The following DOCK4 variants were observed in gnomAD, a reference collection of about 807,000 sequenced individuals.
The protein encoded by DOCK4 is dedicator of cytokinesis protein 4.
A neutral mutation model predicts 268.1 loss-of-function variants in DOCK4; 97 were observed. The observed-to-expected ratio is 0.36, with a 90% CI of 0.31 to 0.43. The LOEUF (loss-of-function observed/expected upper bound fraction) is 0.43, where lower values mean the gene tolerates loss of function less well. Ranked by LOEUF, DOCK4 falls within the 20% of genes least tolerant of loss-of-function variation. The pLI is 1.00. For missense variants in DOCK4, 2,145 were observed against 2,455.7 expected, an observed-to-expected ratio of 0.87 and a Z score of 2.67; for synonymous variants, 954 against 887.2, an observed-to-expected ratio of 1.08 and a Z score of -1.34.
intron 16 of DOCK4, among the ~76,000 whole-genome samples, chr7:111,893,377 A>C (rs1808453216): frequency 6.6e-6 from 1 of 152,218 alleles, no homozygotes; most frequent in South Asian, 2.1e-4. Context: ...ACACACCCTC[A>C]GACCCATAGG....
intron 20 of DOCK4, among the ~76,000 whole-genome samples, chr7:111,870,213 T>G (rs544714603): frequency 3.9e-4 from 60 of 152,106 alleles, no homozygotes; most frequent in Non-Finnish European, 7.5e-4. Flanking sequence ...AAGGTAATTT[T>G]TTTTCCTGTT....
At chr7:112,177,907 T>A (rs920075290) in intron 1 of DOCK4, among the ~76,000 whole-genome samples, 1 of 152,216 alleles carries the variant, frequency 6.6e-6, no homozygotes, top group African/African-American at 2.4e-5. Context: ...GGAAATCCCA[T>A]GGGCATGACT....
At chr7:111,911,504 T>C (rs1792098019) in intron 13 of DOCK4, among the ~76,000 whole-genome samples, 1 of 152,118 alleles carries the variant, frequency 6.6e-6, no homozygotes, top group Non-Finnish European at 1.5e-5. Context: ...GGAAGTGCTT[T>C]TAAAAAAACC....
At chr7:111,837,112 G>C (rs895767636) in intron 25 of DOCK4, among the ~76,000 whole-genome samples, 2 of 151,528 alleles carry the variant, frequency 1.3e-5, no homozygotes, top group Non-Finnish European at 2.9e-5. Context: ...CAGTGGTAGA[G>C]AAAATCTTAA....
intron 16 of DOCK4, among the ~76,000 whole-genome samples, chr7:111,882,435 T>C (rs1807467190): frequency 6.6e-6 from 1 of 152,202 alleles, no homozygotes; most frequent in Non-Finnish European, 1.5e-5. Flanking sequence ...GAGGAAAAAA[T>C]TGTAACAGAT....
At position 112,092,059 on chromosome 7, in the gene DOCK4, G is replaced by A. The variant is rs532652840; in HGVS notation, c.38-87928C>T. On this transcript the variant is annotated intron_variant, in intron 1 of 52. Coordinates refer to ENST00000428084, the MANE Select transcript of DOCK4 (RefSeq NM_001363540.2). ...ACCACAGAGGCTTTTGTGTGTCAGC[G>A]TTAACAAACCCAGGACCACTTTCTC... 2.2e-4 allele frequency among the ~76,000 whole-genome samples: 34 copies of A among 152,256 alleles called. No individual in the cohort carries two copies. The South Asian group carries it at 2.7e-3, about 12-fold the overall frequency.
chr7:111,861,942 A>G (rs923996821), intron 23 of DOCK4, among the ~76,000 whole-genome samples: 2 of 152,082 alleles, frequency 1.3e-5, no homozygotes, highest in Non-Finnish European at 2.9e-5. Flanking sequence ...GGAAATTTCT[A>G]TGAAGGAAAT....
At chr7:112,042,172 G>GATGGAACGAAAATA (rs1275565517) in intron 1 of DOCK4, among the ~76,000 whole-genome samples, 7 of 152,082 alleles carry the variant, frequency 4.6e-5, no homozygotes, top group Non-Finnish European at 7.4e-5. Flanking sequence ...CCAGTCCTTT[G>GATGGAACGAAAATA]ATGGAACGAA....
At chr7:112,085,895 G>T (rs1809039830) in intron 1 of DOCK4, among the ~76,000 whole-genome samples, 2 of 152,050 alleles carry the variant, frequency 1.3e-5, no homozygotes, top group South Asian at 4.1e-4. Flanking sequence ...GCCAAAAAAA[G>T]CAAATAAACA....
chr7:112,132,848 C>T (rs1325975107), intron 1 of DOCK4, among the ~76,000 whole-genome samples: 4 of 152,144 alleles, frequency 2.6e-5, no homozygotes, highest in Non-Finnish European at 5.9e-5. Context: ...TTGACAGACC[C>T]ACTTTCGCTG....
chr7:111,801,255 G>A (rs56145236), intron 30 of DOCK4, among the ~76,000 whole-genome samples: 12,808 of 152,130 alleles, frequency 0.084, 1,810 homozygotes, highest in African/African-American at 0.29. Flanking sequence ...AATCCTCTGG[G>A]CCCATGCAAA....
At chr7:112,030,470 GTGGCTGTAGTGA>G (rs1305337676) in intron 1 of DOCK4, among the ~76,000 whole-genome samples, 13 of 152,148 alleles carry the variant, frequency 8.5e-5, no homozygotes, top group African/African-American at 2.7e-4. Context: ...CAGGAGCAAG[GTGGCTGTAGTGA>G]ACACACATTG....
At chr7:111,923,576 T>C (rs192505237) in intron 12 of DOCK4, among the ~76,000 whole-genome samples, 135 of 152,350 alleles carry the variant, frequency 8.9e-4, no homozygotes, top group African/African-American at 3.1e-3. Context: ...TTTTATCCTC[T>C]GCAAAAGTTA....
chr7:112,083,230 CAT>C (rs1298915000), intron 1 of DOCK4, among the ~76,000 whole-genome samples: 1 of 150,866 alleles, frequency 6.6e-6, no homozygotes, highest in Non-Finnish European at 1.5e-5. Context: ...ATGATCTTAA[CAT>C]AGTTGAAAAT....
intron 1 of DOCK4, among the ~76,000 whole-genome samples, chr7:112,134,567 A>C (rs1814137097): frequency 6.6e-6 from 1 of 152,140 alleles, no homozygotes; most frequent in Non-Finnish European, 1.5e-5. Flanking sequence ...AAAATACAAA[A>C]AAAATCAGCT....
At position 111,728,618 on chromosome 7, in the gene DOCK4, A is replaced by G. The variant is rs1794836956; in HGVS notation, c.5584T>C (p.Ser1862Pro). 6.2e-7 allele frequency: 1 copy of G among 1,613,840 alleles called. No homozygotes were observed. The change falls in exon 53 of 53, where the codon TCT becomes CCT. Residue 1862 changes from serine (S) to proline (P), a missense_variant. Physicochemically the swap from Ser to Pro is moderately conservative, Grantham distance 74. This residue lies in a region of DOCK4 where 547 missense variants were observed against 469.0 expected (regional missense o/e 1.17). Coordinates refer to ENST00000428084, the MANE Select transcript of DOCK4 (RefSeq NM_001363540.2). ...TCCGACGTGCTGCACCGGCTGAGAG[A>G]AGAAATCCCACTGCTGTAGCTGCCC... is the stretch of plus-strand genomic sequence containing the variant. ...LSGSYSSGISSLSRCSTSETS... is the reference protein window; with the variant it reads ...LSGSYSSGISPLSRCSTSETS...
At chr7:112,162,561 A>C in intron 1 of DOCK4, among the ~76,000 whole-genome samples, 7 of 144,982 alleles carry the variant, frequency 4.8e-5, no homozygotes, top group South Asian at 2.2e-4. Flanking sequence ...CCACCCACAC[A>C]CCCCACTCCC....
chr7:111,785,861 A>T (rs888477028), intron 32 of DOCK4, among the ~76,000 whole-genome samples: 1 of 152,196 alleles, frequency 6.6e-6, no homozygotes, highest in Non-Finnish European at 1.5e-5. Context: ...TGCAATAGAA[A>T]TTCCTAACCC....
chr7:112,143,950 A>G (rs1202766764), intron 1 of DOCK4, among the ~76,000 whole-genome samples: 1 of 152,208 alleles, frequency 6.6e-6, no homozygotes, highest in Non-Finnish European at 1.5e-5. Flanking sequence ...TAAACTTTTC[A>G]AGGCATTATG....
Sources: allele counts gnomAD v4.1 joint callset (sites outside exome capture counted in the v4.1 genomes callset), GRCh38; gene constraint gnomAD v4.1.1; regional missense constraint gnomAD v4.1.1; transcripts MANE v1.5; gene names NCBI Gene and HGNC (gene_info 2026-07-23, HGNC 2026-07-21).